SWAP70: variants seen among roughly 807,000 people sequenced by gnomAD.
SWAP70 encodes switching B cell complex subunit SWAP70.
In SWAP70, 34 loss-of-function variants were observed where a neutral mutation model predicts 80.2. The observed-to-expected ratio is 0.42, with a 90% confidence interval of 0.32 to 0.56. The LOEUF (loss-of-function observed/expected upper bound fraction) is 0.56, where lower values mean the gene tolerates loss of function less well. Ranked by LOEUF, SWAP70 falls within the 20% of genes least tolerant of loss-of-function variation. SWAP70 has a pLI of 0.09. For missense variants in SWAP70, 578 were observed against 690.7 expected (o/e 0.84, Z 1.83); for synonymous variants, 239 against 238.5 (o/e 1.00, Z -0.02).
intron 1 of SWAP70, among the ~76,000 whole-genome samples, chr11:9,684,631 A>G (rs1428904224): frequency 6.6e-6 from 1 of 152,118 alleles, no homozygotes; most frequent in Non-Finnish European, 1.5e-5. Context: ...GTGCTTGGCT[A>G]GTTCTGGTGG....
chr11:9,731,767 AG>A (rs1851301758), intron 6 of SWAP70, among the ~76,000 whole-genome samples: 1 of 152,228 alleles, frequency 6.6e-6, no homozygotes, highest in African/African-American at 2.4e-5. Context: ...ATACTATCTC[AG>A]GAAAGATGCA....
At chr11:9,683,113 G>C (rs1850588209) in intron 1 of SWAP70, among the ~76,000 whole-genome samples, 1 of 152,324 alleles carries the variant, frequency 6.6e-6, no homozygotes, top group African/African-American at 2.4e-5. Flanking sequence ...AAACTATTCT[G>C]TCTGGGCTGG....
At chr11:9,710,707 T>A (rs935016101) in intron 2 of SWAP70, among the ~76,000 whole-genome samples, 1 of 151,342 alleles carries the variant, frequency 6.6e-6, no homozygotes, top group East Asian at 1.9e-4. Context: ...TTATTAAGTG[T>A]CTTGCCCTGT....
intron 1 of SWAP70, among the ~76,000 whole-genome samples, chr11:9,665,616 A>T (rs182408788): frequency 5.3e-5 from 8 of 152,324 alleles, no homozygotes; most frequent in Admixed American, 5.2e-4. Flanking sequence ...AGTGCCATGT[A>T]AATGGAGTCA....
rs146869635 is a variant in SWAP70, at chr11:9,698,230, A to G, written c.240+3944A>G. 1.1e-3 allele frequency among the ~76,000 whole-genome samples: 173 copies of G among 150,530 alleles called. 1 individual carries two copies. The highest frequency in any genetic ancestry group is 4.0e-3 in the African/African-American group (163 of 40,904). On this transcript the variant is annotated intron_variant, in intron 2 of 11. Coordinates refer to ENST00000318950, the MANE Select transcript of SWAP70 (RefSeq NM_015055.4). ...ATTTTCTTGCCCCAGCCTCCCCAGT[A>G]AATGGGATTATAGTTGTGTGCCACC...
At chr11:9,725,759 A>T (rs2133806172) in intron 4 of SWAP70, among the ~76,000 whole-genome samples, 1 of 151,582 alleles carries the variant, frequency 6.6e-6, no homozygotes, top group South Asian at 2.1e-4. Context: ...TTTAGTAGAG[A>T]TGGGATTTCA....
chr11:9,732,977 G>A (rs945269735), intron 7 of SWAP70, among the ~76,000 whole-genome samples: 4 of 152,136 alleles, frequency 2.6e-5, no homozygotes, highest in African/African-American at 7.2e-5. Context: ...GTTGAATTTC[G>A]TCAGAAGAAG....
intron 3 of SWAP70, among the ~76,000 whole-genome samples, chr11:9,723,740 G>GT (rs1851169653): frequency 7.4e-6 from 1 of 135,342 alleles, no homozygotes; most frequent in African/African-American, 2.7e-5. Flanking sequence ...TTATTGTTTT[G>GT]TTTAACTGCT....
In SWAP70 at chr11:9,733,480, A is replaced by G. The variant is rs149555059; in HGVS notation, c.1080+770A>G. ...GGGTTCTCCCTTGGTAACCCGTAGA[A>G]ATGCCACATTGTGTGCTGAACTTCC... is the stretch of plus-strand genomic sequence containing the variant. On this transcript the variant is annotated intron_variant, in intron 7 of 11. Transcript: ENST00000318950. 3.1e-3 allele frequency among the ~76,000 whole-genome samples: 479 copies of G among 152,334 alleles called. 3 individuals are homozygous for G. Among genetic ancestry groups the G allele is most frequent in the African/African-American group, 0.011 (465 of 41,576 alleles).
At chr11:9,710,140 C>G (rs966971785) in intron 2 of SWAP70, among the ~76,000 whole-genome samples, 1 of 151,694 alleles carries the variant, frequency 6.6e-6, no homozygotes, top group Non-Finnish European at 1.5e-5. Flanking sequence ...AGTGGACCCT[C>G]GAAGTTCAAA....
intron 1 of SWAP70, among the ~76,000 whole-genome samples, chr11:9,667,063 T>C (rs1043403931): frequency 6.6e-6 from 1 of 151,934 alleles, no homozygotes; most frequent in African/African-American, 2.4e-5. Flanking sequence ...CGGGGTTTCA[T>C]TGTATTGCCC....
intron 2 of SWAP70, 46 bp downstream of exon 2, chr11:9,694,332 T>C: frequency 6.5e-7 from 1 of 1,536,830 alleles, no homozygotes; most frequent in Non-Finnish European, 8.8e-7. Context: ...TTGGTTTGCA[T>C]GTTTCAAGTG....
At chr11:9,688,954 A>G (rs1244518027) in intron 1 of SWAP70, among the ~76,000 whole-genome samples, 1 of 150,826 alleles carries the variant, frequency 6.6e-6, no homozygotes, top group Non-Finnish European at 1.5e-5. Flanking sequence ...ATTTTCTGGT[A>G]ATTTGCCATT....
chr11:9,671,790 T>TA (rs1850411054), intron 1 of SWAP70, among the ~76,000 whole-genome samples: 1 of 40,324 alleles, frequency 2.5e-5, no homozygotes, highest in African/African-American at 1.0e-4. Context: ...ATATTATTAT[T>TA]TATAAATATA....
chr11:9,749,315 T>C lies in SWAP70; in HGVS notation c.1651+132T>C, dbSNP rs546885263. The C allele has an allele frequency of 5.7e-5, 18 of 317,244 alleles. No individual in the cohort carries two copies. In the East Asian group the frequency reaches 1.8e-3, roughly 31 times the overall value. 19.7% of individuals were successfully genotyped at this position (317,244 alleles called of 1,614,324 possible). ...TGGATGGAGTGCAGTGGTGCGATCT[T>C]GGCTCACTGCAAGCTCCGCCTCCTG... On this transcript the variant is annotated intron_variant, in intron 11 of 11. Transcript: ENST00000318950.
At chr11:9,671,869 T>C (rs1165060009) in intron 1 of SWAP70, among the ~76,000 whole-genome samples, 2 of 101,608 alleles carry the variant, frequency 2.0e-5, no homozygotes, top group Non-Finnish European at 3.4e-5. Flanking sequence ...ATTATATTTA[T>C]AATTTAAATA....
intron 2 of SWAP70, among the ~76,000 whole-genome samples, chr11:9,697,068 T>TA (rs554271935): frequency 6.6e-6 from 1 of 151,934 alleles, no homozygotes; most frequent in Non-Finnish European, 1.5e-5. Flanking sequence ...AATAAAACAT[T>TA]AAAAAAATTT....
Position 9,729,423 on chromosome 11 carries a change from T to G in SWAP70, c.870T>G (p.Asp290Glu). The stretch of plus-strand genomic sequence containing the variant: ...AGACTTTTGAAATCAGTGCTTCAGA[T>G]AAGAAGAAGAAACAGGAGTGGATTC... ...FDKTFEISAS[D>E]KKKKQEWIQA... is the part of the protein sequence containing the mutation. The change falls in exon 6 of 12, where the codon GAT becomes GAG. Residue 290 changes from aspartate to glutamate, a missense_variant. Transcript: ENST00000318950. 6.2e-7 allele frequency: 1 copy of G among 1,612,620 alleles called. No homozygotes were observed.
At chr11:9,695,832 T>C (rs1381974804) in intron 2 of SWAP70, among the ~76,000 whole-genome samples, 1 of 152,108 alleles carries the variant, frequency 6.6e-6, no homozygotes, top group African/African-American at 2.4e-5. Context: ...TCTCATCCTG[T>C]CACCCAGGCT....
Sources: gnomAD v4.1 joint callset for allele counts (sites outside exome capture counted in the v4.1 genomes callset) on GRCh38, gnomAD v4.1.1 for gene constraint, MANE v1.5 for transcripts, NCBI Gene and HGNC (gene_info 2026-07-23, HGNC 2026-07-21) for gene names.